Variants in ZNF808 observed in about 807,000 individuals in gnomAD.
ZNF808 encodes the protein zinc finger protein 808.
A neutral mutation model predicts 8.7 loss-of-function variants in ZNF808; 5 were observed. The ratio of observed to expected loss-of-function variants is 0.58; its 90% CI spans 0.30 to 1.21. The LOEUF is 1.21. Among genes scored for constraint, ZNF808 ranks in the 50% most tolerant of loss-of-function variants. The pLI is 0.07. For synonymous variants in ZNF808, 380 were observed against 366.0 expected (o/e 1.04, Z -0.44); for missense variants, 1,103 against 1,098.4 (o/e 1.00, Z -0.06).
At chr19:52,530,198 G>T (rs530882449) in intron 1 of ZNF808, among the ~76,000 whole-genome samples, 19 of 152,174 alleles carry the variant, frequency 1.2e-4, no homozygotes, top group African/African-American at 4.3e-4. Flanking sequence ...GTAGTTGGGA[G>T]TACAGGCATG....
chr19:52,529,044 G>A (rs1354100177), intron 1 of ZNF808, among the ~76,000 whole-genome samples: 2 of 150,664 alleles, frequency 1.3e-5, no homozygotes, highest in Admixed American at 6.7e-5. Context: ...GGGGGAGAAT[G>A]AGAGATATGT....
chr19:52,540,178 A>T (rs79875112), intron 2 of ZNF808, among the ~76,000 whole-genome samples: 26,128 of 151,908 alleles, frequency 0.17, 2,933 homozygotes, highest in Non-Finnish European at 0.24. Flanking sequence ...TGCCCTGCTA[A>T]TGTTTGTATT....
In ZNF808 at chr19:52,554,104, GA is replaced by G; in HGVS notation, c.1192del (p.Thr398HisfsTer138). On this transcript the variant is annotated frameshift_variant, in exon 5 of 5. Coordinates refer to ENST00000359798, the MANE Select transcript of ZNF808 (RefSeq NM_001039886.4). LOFTEE classifies it low-confidence loss of function (END_TRUNC). ...ACCATACTAGAATTCATAGTGGAGA[GA>G]AAACATACAAGTGTAATGAGTGTGG... ...ANHTRIHSGE[K>X]TYKCNECGKA... 1 of 1,613,972 alleles carries G rather than the reference GA, an allele frequency of 6.2e-7. No individual in the cohort carries two copies. The highest frequency in any genetic ancestry group is 8.5e-7 in the Non-Finnish European group (1 of 1,179,978).
At chr19:52,538,472 G>C (rs1401494566) in intron 2 of ZNF808, among the ~76,000 whole-genome samples, 2 of 150,610 alleles carry the variant, frequency 1.3e-5, no homozygotes, top group African/African-American at 4.9e-5. Context: ...TACCCCCTGA[G>C]TATCTGGGAT....
intron 2 of ZNF808, among the ~76,000 whole-genome samples, chr19:52,538,742 C>T (rs2617795): frequency 0.39 from 52,322 of 134,112 alleles, 9,842 homozygotes; most frequent in East Asian, 0.53. Flanking sequence ...AAGGGCTATG[C>T]ATAGAATGAT....
At chr19:52,528,267 C>G (rs1438706633) in intron 1 of ZNF808, among the ~76,000 whole-genome samples, 1 of 152,180 alleles carries the variant, frequency 6.6e-6, no homozygotes, top group Non-Finnish European at 1.5e-5. Context: ...ACGCAGGGCC[C>G]TGTCCTGTGA....
At chr19:52,550,858 C>T (rs1341499917) in intron 4 of ZNF808, among the ~76,000 whole-genome samples, 1 of 152,072 alleles carries the variant, frequency 6.6e-6, no homozygotes, top group African/African-American at 2.4e-5. Flanking sequence ...TAAGATTTTT[C>T]AGCCTTCAGT....
At position 52,531,956 on chromosome 19, in the gene ZNF808, G is replaced by A. The variant is rs375535008; in HGVS notation, c.-121-952G>A. On this transcript the variant is annotated intron_variant, in intron 1 of 4. Coordinates refer to ENST00000359798, the MANE Select transcript of ZNF808 (RefSeq NM_001039886.4). ...TCTTAACATGTATTTCAGTCTTATA[G>A]TGTGTGCTGGTGGTAAGTAGAAGTT... Among the ~76,000 whole-genome samples the A allele has an allele frequency of 1.2e-4, 19 of 152,290 alleles. No homozygotes were observed. The East Asian group carries it at 2.9e-3, about 23-fold the overall frequency.
intron 2 of ZNF808, among the ~76,000 whole-genome samples, chr19:52,542,180 G>T (rs113701670): frequency 6.6e-6 from 1 of 151,612 alleles, no homozygotes; most frequent in Non-Finnish European, 1.5e-5. Flanking sequence ...TGCAACTTCT[G>T]ACTCCTGGGA....
chr19:52,547,530 G>T lies in ZNF808; in HGVS notation c.82G>T (p.Asp28Tyr). 4 of 1,613,976 alleles carry T rather than the reference G, an allele frequency of 2.5e-6. No individual in the cohort carries two copies. The highest frequency in any genetic ancestry group is 3.4e-6 in the Non-Finnish European group (4 of 1,179,978). The change falls in exon 4 of 5, where the codon GAT (aspartate) becomes TAT (tyrosine). Residue 28 changes from aspartate to tyrosine, a missense_variant. Coordinates refer to ENST00000359798, the MANE Select transcript of ZNF808 (RefSeq NM_001039886.4). ...ATTTTAGGGACGCTTGACTTTCAGG[G>T]ATGTGGCTATAGAATTCTCATTGGC... Reference protein sequence around the residue: ...ALPQGRLTFRDVAIEFSLAEW... With the variant: ...ALPQGRLTFRYVAIEFSLAEW...
intron 1 of ZNF808, among the ~76,000 whole-genome samples, chr19:52,528,575 C>G (rs1440765481): frequency 2.6e-5 from 4 of 152,034 alleles, no homozygotes; most frequent in Admixed American, 6.6e-5. Flanking sequence ...TAGATGTACA[C>G]AGAGATGAAG....
downstream of ZNF808, among the ~76,000 whole-genome samples, chr19:52,559,377 T>G (rs1466933039): frequency 6.6e-6 from 1 of 152,182 alleles, no homozygotes; most frequent in East Asian, 1.9e-4. Flanking sequence ...TTACCTTGTT[T>G]ATGACAGAGA....
downstream of ZNF808, among the ~76,000 whole-genome samples, chr19:52,559,960 G>A (rs2059851005): frequency 6.6e-6 from 1 of 152,144 alleles, no homozygotes; most frequent in African/African-American, 2.4e-5. Flanking sequence ...GAAAACACTT[G>A]ATTTGCAATA....
chr19:52,535,200 G>A (rs750245926), intron 2 of ZNF808, among the ~76,000 whole-genome samples: 14 of 151,740 alleles, frequency 9.2e-5, no homozygotes, highest in Non-Finnish European at 1.8e-4. Flanking sequence ...GCGTCGTGGT[G>A]GGCGCCTGTA....
At chr19:52,546,045 T>C (rs1484605332) in intron 3 of ZNF808, among the ~76,000 whole-genome samples, 1 of 152,248 alleles carries the variant, frequency 6.6e-6, no homozygotes, top group African/African-American at 2.4e-5. Flanking sequence ...GTATGTGTGA[T>C]GCACTTGTGT....
At chr19:52,563,009 C>T (rs1374280973) in intron 3 of ZNF808, among the ~76,000 whole-genome samples, 7 of 152,000 alleles carry the variant, frequency 4.6e-5, no homozygotes, top group African/African-American at 1.2e-4. Context: ...CTCCTGACCC[C>T]GTGATCTGCC....
chr19:52,549,990 C>G (rs1394781848), intron 4 of ZNF808, among the ~76,000 whole-genome samples: 1 of 152,178 alleles, frequency 6.6e-6, no homozygotes, highest in Non-Finnish European at 1.5e-5. Context: ...TGTGTCCCAG[C>G]TCAGCCTTTG....
intron 1 of ZNF808, among the ~76,000 whole-genome samples, chr19:52,529,113 C>T (rs1396031110): frequency 3.3e-5 from 5 of 151,758 alleles, no homozygotes; most frequent in Admixed American, 6.6e-5. Context: ...CAGTGGCTCA[C>T]GCCTGTAGTC....
intron 3 of ZNF808, chr19:52,563,211 G>C (rs1031393261): frequency 6.6e-6 from 1 of 152,136 alleles, no homozygotes; most frequent in Non-Finnish European, 1.5e-5. Context: ...TCTTAAGAGG[G>C]AATTGTTTAG....
Sources: gnomAD v4.1 joint callset for allele counts (sites outside exome capture counted in the v4.1 genomes callset) on GRCh38, gnomAD v4.1.1 for gene constraint, MANE v1.5 for transcripts, NCBI Gene and HGNC (gene_info 2026-07-23, HGNC 2026-07-21) for gene names.